NEDD4L: variants seen among roughly 807,000 people sequenced by gnomAD.
NEDD4L encodes the protein E3 ubiquitin-protein ligase NEDD4-like.
In NEDD4L, 54 loss-of-function variants were observed where a neutral mutation model predicts 148.9. The observed-to-expected ratio is 0.36, with a 90% CI of 0.29 to 0.45. NEDD4L has a LOEUF of 0.45. NEDD4L is among the 20% of genes least tolerant of loss of function. The pLI is 1.00. For synonymous variants in NEDD4L, 433 were observed against 440.7 expected, an observed-to-expected ratio of 0.98 and a Z score of 0.22; for missense variants, 856 against 1,233.8, an observed-to-expected ratio of 0.69 and a Z score of 4.59.
At chr18:58,361,484 G>T (rs565784442) in intron 19 of NEDD4L, among the ~76,000 whole-genome samples, 1 of 152,206 alleles carries the variant, frequency 6.6e-6, no homozygotes, top group South Asian at 2.1e-4. Context: ...ACTCACAGTC[G>T]TCCCCTCAGA....
chr18:58,369,818 C>T (rs977180439), intron 22 of NEDD4L, among the ~76,000 whole-genome samples: 21 of 152,216 alleles, frequency 1.4e-4, no homozygotes, highest in South Asian at 8.3e-4. Context: ...GCCGTCCCTC[C>T]GCGGGGGGTT....
intron 23 of NEDD4L, chr18:58,371,992 T>G (rs1348768685): frequency 6.6e-6 from 1 of 152,238 alleles, no homozygotes; most frequent in Non-Finnish European, 1.5e-5. Context: ...CTGTGACTGA[T>G]CCTCTGGATT....
chr18:58,161,692 C>G (rs1180279902), intron 1 of NEDD4L, among the ~76,000 whole-genome samples: 1 of 152,166 alleles, frequency 6.6e-6, no homozygotes, highest in Admixed American at 6.5e-5. Context: ...AAAGTCTCAT[C>G]TCCAGTTCAT....
chr18:58,318,786 G>A (rs904926981), intron 6 of NEDD4L, among the ~76,000 whole-genome samples: 1 of 152,292 alleles, frequency 6.6e-6, no homozygotes, highest in Middle Eastern at 3.4e-3. Context: ...CCTTCCTCTT[G>A]ACTTGTCAGC....
At chr18:58,102,746 G>T (rs1411020351) in intron 1 of NEDD4L, among the ~76,000 whole-genome samples, 3 of 152,138 alleles carry the variant, frequency 2.0e-5, no homozygotes, top group Non-Finnish European at 4.4e-5. Context: ...ATATGAGAGG[G>T]TGTGTGTAGG....
chr18:58,327,817 TTATTGAAAGTA>T (rs2059437618), intron 9 of NEDD4L, among the ~76,000 whole-genome samples: 1 of 152,214 alleles, frequency 6.6e-6, no homozygotes, highest in Non-Finnish European at 1.5e-5. Context: ...ATATGTTATC[TTATTGAAAGTA>T]TCTGTGAGAG....
At chr18:58,172,097 G>C (rs567928805) in intron 2 of NEDD4L, among the ~76,000 whole-genome samples, 3 of 152,130 alleles carry the variant, frequency 2.0e-5, no homozygotes, top group Non-Finnish European at 4.4e-5. Flanking sequence ...CCTCACCTTA[G>C]GGGTCAGGAG....
At chr18:58,046,910 A>G (rs1323307198) in intron 1 of NEDD4L, 1 of 152,218 alleles carries the variant, frequency 6.6e-6, no homozygotes, top group African/African-American at 2.4e-5. Context: ...CAGTGAAAAA[A>G]TAAGCCAGGG....
At chr18:58,330,697 CT>C in intron 10 of NEDD4L, 40 bp from the exon 11 acceptor site, 1 of 1,460,576 alleles carries the variant, frequency 6.8e-7, no homozygotes, top group African/African-American at 1.4e-5. Context: ...TGGATCCCTA[CT>C]TCTTTCTAGT....
Position 58,366,307 on chromosome 18 carries a change from G to C in NEDD4L, c.2063+79G>C. 9.4e-7 allele frequency: 1 copy of C among 1,063,484 alleles called. No homozygotes were observed. The highest frequency in any genetic ancestry group is 1.3e-6 in the Non-Finnish European group (1 of 747,998). The allele number at this position is 1,063,484 out of a possible 1,614,324, so 65.9% of individuals were successfully genotyped here. A position where few individuals can be genotyped will look rare whatever the true frequency, so the allele number is the denominator to read the frequency against. On this transcript the variant is annotated intron_variant, in intron 21 of 30. Coordinates refer to ENST00000400345, the MANE Select transcript of NEDD4L (RefSeq NM_001144967.3). This position sits in a 1 kb window ranked among gnomAD's most constrained non-coding sequence, Gnocchi z 4.2. ...TTTAAACAGAATGAAAGGATAAGCA[G>C]CTCATGAGTTCGAGATGCATTAACT...
At chr18:58,066,809 G>A (rs768674941) in intron 1 of NEDD4L, among the ~76,000 whole-genome samples, 9 of 152,080 alleles carry the variant, frequency 5.9e-5, no homozygotes, top group Non-Finnish European at 1.3e-4. Context: ...AGGAGGAAGA[G>A]GGGTGGGGTG....
chr18:58,203,906 C>A (rs1224236429), intron 2 of NEDD4L, among the ~76,000 whole-genome samples: 1 of 152,150 alleles, frequency 6.6e-6, no homozygotes, highest in Non-Finnish European at 1.5e-5. Flanking sequence ...TTATACTAAT[C>A]TTATCACCCT....
At chr18:58,346,487 A>T (rs1173674551) in intron 16 of NEDD4L, among the ~76,000 whole-genome samples, 1 of 152,202 alleles carries the variant, frequency 6.6e-6, no homozygotes, top group African/African-American at 2.4e-5. Context: ...AGCAAGAAAG[A>T]TTACACCCTA....
chr18:58,230,405 G>C (rs1169420865), intron 2 of NEDD4L, among the ~76,000 whole-genome samples: 1 of 145,980 alleles, frequency 6.9e-6, no homozygotes, highest in Non-Finnish European at 1.5e-5. Context: ...GAGGTTCACT[G>C]TGAAGCTTCT....
chr18:58,383,270 A>T lies in NEDD4L; in HGVS notation c.2377A>T (p.Asn793Tyr). ...GQTYQVDLKP[N>Y]GSEIMVTNEN... ...GACATATCAAGTGGATTTGAAGCCC[A>T]ATGGGTCAGAAATAATGGTCACAAA... Residue 793 changes from asparagine to tyrosine, a missense_variant, in exon 25 of 31, where the codon AAT (asparagine) becomes TAT (tyrosine). Transcript: ENST00000400345. The T allele has an allele frequency of 6.5e-7, 1 of 1,541,846 alleles. No individual in the cohort carries two copies. The highest frequency in any genetic ancestry group is 1.2e-5 in the South Asian group (1 of 83,872).
chr18:58,373,885 A>G (rs551868758), intron 24 of NEDD4L, among the ~76,000 whole-genome samples: 1 of 152,294 alleles, frequency 6.6e-6, no homozygotes, highest in South Asian at 2.1e-4. Context: ...CATGCTAAGG[A>G]TCTATGCGAT....
chr18:58,279,863 C>T (rs570394859), intron 5 of NEDD4L, among the ~76,000 whole-genome samples: 1 of 152,308 alleles, frequency 6.6e-6, no homozygotes, highest in Admixed American at 6.5e-5. Flanking sequence ...AGTACATTCA[C>T]AAATAAGCAT....
chr18:58,214,169 C>T (rs63615960), intron 2 of NEDD4L, among the ~76,000 whole-genome samples: 48,034 of 151,896 alleles, frequency 0.32, 7,756 homozygotes, highest in East Asian at 0.47. Context: ...CACCTGATCG[C>T]TGCCCCAGGG....
chr18:58,348,326 C>CTTTTTTTTCTTTTTTTTTTTTTTTT (rs2043371626), intron 16 of NEDD4L, among the ~76,000 whole-genome samples: 25 of 88,674 alleles, frequency 2.8e-4, no homozygotes, highest in African/African-American at 1.3e-3. Context: ...TCTTTTTTTT[C>CTTTTTTTTCTTTTTTTTTTTTTTTT]TTTTTTTTTT....
Sources: gnomAD v4.1 joint callset for allele counts (sites outside exome capture counted in the v4.1 genomes callset) on GRCh38, gnomAD v4.1.1 for gene constraint, Gnocchi (gnomAD v3.1) non-coding constraint, MANE v1.5 for transcripts, NCBI Gene and HGNC (gene_info 2026-07-23, HGNC 2026-07-21) for gene names.